The following LRRC4C variants were observed in gnomAD, a reference collection of about 807,000 sequenced individuals.
The protein encoded by LRRC4C is leucine rich repeat containing 4C.
A neutral mutation model predicts 33.6 loss-of-function variants in LRRC4C; 5 were observed. The observed-to-expected ratio is 0.15, with a 90% CI of 0.08 to 0.31. The LOEUF (loss-of-function observed/expected upper bound fraction) is 0.31, where lower values mean the gene tolerates loss of function less well. Ranked by LOEUF, LRRC4C falls within the 10% of genes least tolerant of loss-of-function variation. The pLI is 1.00. For synonymous variants in LRRC4C, 329 were observed against 302.0 expected (o/e 1.09, Z -0.93); for missense variants, 560 against 796.7 (o/e 0.70, Z 3.58).
chr11:40,629,490 T>C (rs1438423094), intron 3 of LRRC4C, among the ~76,000 whole-genome samples: 1 of 152,212 alleles, frequency 6.6e-6, no homozygotes, highest in African/African-American at 2.4e-5. Flanking sequence ...CTAAAGCATG[T>C]TTCTACATGT....
At chr11:41,408,692 C>T (rs1319647013) in intron 1 of LRRC4C, among the ~76,000 whole-genome samples, 23 of 149,060 alleles carry the variant, frequency 1.5e-4, no homozygotes, top group Admixed American at 1.5e-3. Flanking sequence ...ATTTTACTCG[C>T]TGCTTTAGAT....
At chr11:40,599,162 T>C (rs1959703753) in intron 3 of LRRC4C, among the ~76,000 whole-genome samples, 1 of 152,068 alleles carries the variant, frequency 6.6e-6, no homozygotes, top group Non-Finnish European at 1.5e-5. Flanking sequence ...CAGAAGGGCC[T>C]TCATGGTCAG....
chr11:40,453,131 T>C (rs1052554507), intron 3 of LRRC4C, among the ~76,000 whole-genome samples: 2 of 152,130 alleles, frequency 1.3e-5, no homozygotes, highest in Non-Finnish European at 2.9e-5. Flanking sequence ...TGTATACATA[T>C]GTAACAAACC....
chr11:41,407,602 C>A (rs926505225), intron 1 of LRRC4C, among the ~76,000 whole-genome samples: 1 of 152,090 alleles, frequency 6.6e-6, no homozygotes, highest in Non-Finnish European at 1.5e-5. Flanking sequence ...GTTCTCGGCC[C>A]AAAGTTACTT....
intron 5 of LRRC4C, among the ~76,000 whole-genome samples, chr11:40,177,025 CACACCATTCTCCTGCCTCAGCCTCCCA>C (rs796678267): frequency 2.1e-4 from 29 of 137,180 alleles, no homozygotes; most frequent in Admixed American, 1.4e-3. Context: ...CTCCCAGGTT[CACACCATTCTCCTGCCTCAGCCTCCCA>C]ACACCATTCT....
chr11:41,060,559 C>T (rs983274314), intron 1 of LRRC4C, among the ~76,000 whole-genome samples: 1 of 152,088 alleles, frequency 6.6e-6, no homozygotes, highest in African/African-American at 2.4e-5. Flanking sequence ...TCTGGTTTCT[C>T]TTCTTATGAG....
intron 5 of LRRC4C, among the ~76,000 whole-genome samples, chr11:40,240,334 T>G (rs1430199810): frequency 6.6e-6 from 1 of 152,206 alleles, no homozygotes; most frequent in Non-Finnish European, 1.5e-5. Flanking sequence ...TACATGTCAC[T>G]TATGTAAATA....
At chr11:40,283,823 G>C (rs1469969219) in intron 4 of LRRC4C, among the ~76,000 whole-genome samples, 1 of 143,912 alleles carries the variant, frequency 6.9e-6, no homozygotes, top group East Asian at 2.2e-4. Context: ...TCCTGCCTCA[G>C]CCTCCTGAGT....
At chr11:41,262,194 T>G (rs1163432996) in intron 1 of LRRC4C, among the ~76,000 whole-genome samples, 1 of 152,066 alleles carries the variant, frequency 6.6e-6, no homozygotes, top group Non-Finnish European at 1.5e-5. Context: ...ATGGCCAGAT[T>G]TTGTTTGAAA....
chr11:40,395,893 A>G (rs751024146), intron 3 of LRRC4C, among the ~76,000 whole-genome samples: 3 of 152,148 alleles, frequency 2.0e-5, no homozygotes, highest in Non-Finnish European at 4.4e-5. Context: ...AAGCTGAGAC[A>G]TGAGAATTGC....
chr11:41,038,622 C>G (rs1857238695), intron 1 of LRRC4C, among the ~76,000 whole-genome samples: 1 of 152,008 alleles, frequency 6.6e-6, no homozygotes, highest in Admixed American at 6.6e-5. Context: ...TTAAGGAAAC[C>G]GTTGGCAATT....
In LRRC4C at chr11:40,369,617, C is replaced by T. The variant is rs146614458; in HGVS notation, c.-269-49896G>A. ...CCTCCCAAAGTGCTGGGATTAAAGG[C>T]GTAAGCCAACACACCCAGCCATTCT... On this transcript the variant is annotated intron_variant, in intron 3 of 6. Coordinates refer to ENST00000528697, the MANE Select transcript of LRRC4C (RefSeq NM_001258419.2). Among the ~76,000 whole-genome samples, 880 of 152,288 alleles carry T rather than the reference C, an allele frequency of 5.8e-3. 7 individuals are homozygous for T. Among genetic ancestry groups the T allele is most frequent in the African/African-American group, 0.02 (821 of 41,544 alleles).
chr11:41,130,822 A>C (rs901996766), intron 1 of LRRC4C, among the ~76,000 whole-genome samples: 1 of 151,982 alleles, frequency 6.6e-6, no homozygotes, highest in Non-Finnish European at 1.5e-5. Flanking sequence ...ATATTTACAA[A>C]TTTGTTCCTC....
chr11:40,280,846 A>G (rs1943425735), intron 4 of LRRC4C, among the ~76,000 whole-genome samples: 1 of 152,190 alleles, frequency 6.6e-6, no homozygotes, highest in South Asian at 2.1e-4. Flanking sequence ...GCTTCCGTTT[A>G]ATTAGGTCTT....
chr11:40,769,847 T>G (rs1949669363), intron 2 of LRRC4C, among the ~76,000 whole-genome samples: 1 of 152,126 alleles, frequency 6.6e-6, no homozygotes, highest in Admixed American at 6.5e-5. Flanking sequence ...ATTAAAGACT[T>G]AAATCTAAGA....
chr11:41,401,456 G>T (rs1404941634), intron 1 of LRRC4C, among the ~76,000 whole-genome samples: 3 of 143,432 alleles, frequency 2.1e-5, no homozygotes, highest in South Asian at 2.2e-4. Context: ...TGAATGTTAA[G>T]TTTACAAGCA....
intron 2 of LRRC4C, among the ~76,000 whole-genome samples, chr11:40,823,507 G>A (rs73472617): frequency 0.025 from 3,769 of 151,614 alleles, 88 homozygotes; most frequent in African/African-American, 0.06. Context: ...ATACAATTTG[G>A]AAAAAGGTGA....
In LRRC4C at chr11:40,543,195, T is replaced by C. The variant is rs570974172; in HGVS notation, c.-270+104947A>G. Among the ~76,000 whole-genome samples, 3 of 152,214 alleles carry C rather than the reference T, an allele frequency of 2.0e-5. No homozygotes were observed. In the East Asian group the frequency reaches 5.8e-4, roughly 29 times the overall value. On this transcript the variant is annotated intron_variant, in intron 3 of 6. Transcript: ENST00000528697. ...TCTATAAATCTTGTCCCATTATTTT[T>C]TTTTTCCAGAAAAACTGAAAGTCCA...
chr11:40,392,371 C>T (rs996697688), intron 3 of LRRC4C, among the ~76,000 whole-genome samples: 4 of 152,118 alleles, frequency 2.6e-5, no homozygotes, highest in South Asian at 4.2e-4. Flanking sequence ...AAACATGTAT[C>T]ACATGAATGC....
Sources: allele counts gnomAD v4.1 joint callset (sites outside exome capture counted in the v4.1 genomes callset), GRCh38; gene constraint gnomAD v4.1.1; transcripts MANE v1.5; gene names NCBI Gene and HGNC (gene_info 2026-07-23, HGNC 2026-07-21).